The following RGS6 variants were observed in gnomAD, a reference collection of about 807,000 sequenced individuals.
RGS6 encodes regulator of G-protein signaling 6.
In RGS6, 30 loss-of-function variants were observed where a neutral mutation model predicts 78.5. That is an observed-to-expected ratio of 0.38 (90% confidence interval 0.29 to 0.52). The LOEUF (loss-of-function observed/expected upper bound fraction) is 0.52, where lower values mean the gene tolerates loss of function less well. RGS6 is among the 20% of genes least tolerant of loss of function. The pLI is 0.85. For missense variants in RGS6, 495 were observed against 609.7 expected (o/e 0.81, Z 1.98); for synonymous variants, 206 against 206.0 (o/e 1.00, Z 0.00).
chr14:71,947,509 G>A (rs1222695673), intron 1 of RGS6, among the ~76,000 whole-genome samples: 1 of 152,132 alleles, frequency 6.6e-6, no homozygotes, highest in African/African-American at 2.4e-5. Context: ...TTTCGAGACA[G>A]GGTCTCACTC....
intron 2 of RGS6, among the ~76,000 whole-genome samples, chr14:72,047,898 G>C (rs7359074): frequency 3.4e-5 from 1 of 29,642 alleles, no homozygotes; most frequent in Non-Finnish European, 6.0e-5. Context: ...GCTAATTTTT[G>C]TTTTTTTTTT....
the RGS6 span, among the ~76,000 whole-genome samples, chr14:71,870,789 C>T: frequency 6.6e-6 from 1 of 152,140 alleles, no homozygotes; most frequent in Non-Finnish European, 1.5e-5. Flanking sequence ...TCTTTTCCCT[C>T]CCAGTGTGGG....
intron 2 of RGS6, among the ~76,000 whole-genome samples, chr14:72,122,098 T>A (rs1261263520): frequency 6.6e-6 from 1 of 152,144 alleles, no homozygotes. Context: ...TATACTTTAT[T>A]GTATAGAAGA....
chr14:72,587,760 G>A, the RGS6 span, among the ~76,000 whole-genome samples: 12 of 152,084 alleles, frequency 7.9e-5, no homozygotes, highest in Non-Finnish European at 1.2e-4. Context: ...CAGAACTGTC[G>A]GTAAAGTACA....
chr14:72,508,846 A>G (rs547856773), intron 13 of RGS6, among the ~76,000 whole-genome samples: 2 of 152,130 alleles, frequency 1.3e-5, no homozygotes, highest in Admixed American at 6.5e-5. Flanking sequence ...TGGTTCACAG[A>G]CCACACCTTG....
chr14:72,317,176 A>T (rs777560095), intron 2 of RGS6, among the ~76,000 whole-genome samples: 2 of 152,060 alleles, frequency 1.3e-5, no homozygotes, highest in Non-Finnish European at 2.9e-5. Context: ...GTTTTATCTC[A>T]TAGAGATTTG....
At chr14:72,144,696 C>T (rs903807664) in intron 2 of RGS6, among the ~76,000 whole-genome samples, 1 of 151,864 alleles carries the variant, frequency 6.6e-6, no homozygotes, top group Non-Finnish European at 1.5e-5. Context: ...AAGAAGACAC[C>T]ATTCCTGCTC....
intron 2 of RGS6, among the ~76,000 whole-genome samples, chr14:72,232,144 C>T (rs891569071): frequency 3.3e-5 from 5 of 152,142 alleles, no homozygotes; most frequent in Admixed American, 6.5e-5. Flanking sequence ...GACCATGCCA[C>T]GGGTATGCAT....
At chr14:72,455,600 C>T (rs535565671) in intron 4 of RGS6, among the ~76,000 whole-genome samples, 1 of 150,108 alleles carries the variant, frequency 6.7e-6, no homozygotes. Context: ...AGAAGTGGCC[C>T]GAGTCTTTTC....
At chr14:72,417,757 T>C (rs1290330871) in intron 3 of RGS6, among the ~76,000 whole-genome samples, 1 of 152,248 alleles carries the variant, frequency 6.6e-6, no homozygotes, top group Non-Finnish European at 1.5e-5. Context: ...TGAGTTCATC[T>C]GTGCAAACAT....
At chr14:71,927,785 G>A (rs1030688793), upstream of RGS6, among the ~76,000 whole-genome samples, 1 of 151,418 alleles carries the variant, frequency 6.6e-6, no homozygotes, top group Non-Finnish European at 1.5e-5. Context: ...AGCCTCCCGT[G>A]TAGCTGGGAC....
chr14:72,050,943 AGAGG>A, intron 2 of RGS6, among the ~76,000 whole-genome samples: 1 of 152,214 alleles, frequency 6.6e-6, no homozygotes, highest in South Asian at 2.1e-4. Flanking sequence ...TCACTTTTGT[AGAGG>A]CATATGGGAG....
intron 2 of RGS6, among the ~76,000 whole-genome samples, chr14:72,002,558 C>G (rs769315710): frequency 1.3e-5 from 2 of 151,552 alleles, no homozygotes; most frequent in Non-Finnish European, 2.9e-5. Context: ...ATGGAAGTCT[C>G]TTGTTAAAGA....
chr14:72,289,043 G>A (rs1260946648), intron 2 of RGS6, among the ~76,000 whole-genome samples: 1 of 152,162 alleles, frequency 6.6e-6, no homozygotes, highest in Non-Finnish European at 1.5e-5. Flanking sequence ...TACTAACAAT[G>A]CATATACAAC....
chr14:72,446,561 A>G (rs1478353391), intron 3 of RGS6, among the ~76,000 whole-genome samples: 1 of 152,170 alleles, frequency 6.6e-6, no homozygotes, highest in Non-Finnish European at 1.5e-5. Flanking sequence ...CATGGAAGAC[A>G]GTTTTTCCAC....
chr14:71,902,922 T>C, the RGS6 span, among the ~76,000 whole-genome samples: 2 of 152,236 alleles, frequency 1.3e-5, no homozygotes, highest in Non-Finnish European at 1.5e-5. Flanking sequence ...GGGCAGGTGA[T>C]GTGTCCGGTT....
At chr14:71,922,756 T>C in the RGS6 span, among the ~76,000 whole-genome samples, 6 of 152,204 alleles carry the variant, frequency 3.9e-5, no homozygotes, top group Non-Finnish European at 7.3e-5. Flanking sequence ...TATTATGTTC[T>C]TGACAGTTTT....
chr14:72,175,432 C>G (rs115435298), intron 2 of RGS6, among the ~76,000 whole-genome samples: 824 of 152,300 alleles, frequency 5.4e-3, no homozygotes, highest in Middle Eastern at 0.014. Flanking sequence ...TGTGACCTAT[C>G]TATACTGACT....
chr14:72,541,747 G>A, intron 17 of RGS6: 2 of 1,028,376 alleles, frequency 1.9e-6, no homozygotes, highest in Non-Finnish European at 1.4e-6. Flanking sequence ...ACAGCCCCCG[G>A]AAGCTCTTGA....
Sources: allele counts gnomAD v4.1 joint callset (sites outside exome capture counted in the v4.1 genomes callset), GRCh38; gene constraint gnomAD v4.1.1; transcripts MANE v1.5; gene names NCBI Gene and HGNC (gene_info 2026-07-23, HGNC 2026-07-21).